MAGI2: variants seen among roughly 807,000 people sequenced by gnomAD.
MAGI2 encodes the protein membrane-associated guanylate kinase, WW and PDZ domain-containing protein 2.
Under a neutral mutation model 133.3 loss-of-function variants are expected in MAGI2, and 35 were observed. The ratio of observed to expected loss-of-function variants is 0.26; its 90% CI spans 0.20 to 0.35. MAGI2 has a LOEUF of 0.35. MAGI2 is among the 10% of genes least tolerant of loss of function. The pLI is 1.00. For synonymous variants in MAGI2, 729 were observed against 710.6 expected (o/e 1.03, Z -0.41); for missense variants, 1,636 against 1,863.4 (o/e 0.88, Z 2.25).
chr7:78,345,675 C>A (rs753456825), intron 8 of MAGI2: 1 of 440,724 alleles, frequency 2.3e-6, no homozygotes, highest in East Asian at 4.1e-5. Flanking sequence ...TATAAAAATC[C>A]ATTAATCTCC....
intron 1 of MAGI2, among the ~76,000 whole-genome samples, chr7:79,451,784 T>C (rs1849273938): frequency 6.6e-6 from 1 of 152,126 alleles, no homozygotes; most frequent in Non-Finnish European, 1.5e-5. Flanking sequence ...GGACAAACAG[T>C]GTACATCGAC....
intron 6 of MAGI2, among the ~76,000 whole-genome samples, chr7:78,403,590 G>T (rs1369626756): frequency 1.3e-5 from 2 of 152,132 alleles, no homozygotes; most frequent in Non-Finnish European, 2.9e-5. Flanking sequence ...CTTCCACAAT[G>T]GTTGAACTAG....
At chr7:78,103,891 G>T (rs938360320) in intron 20 of MAGI2, among the ~76,000 whole-genome samples, 3 of 152,220 alleles carry the variant, frequency 2.0e-5, no homozygotes, top group African/African-American at 7.2e-5. Context: ...TAGTTGAAAA[G>T]CAAAGTGAAT....
intron 6 of MAGI2, among the ~76,000 whole-genome samples, chr7:78,440,882 G>T (rs1413127793): frequency 6.6e-6 from 1 of 152,102 alleles, no homozygotes; most frequent in Non-Finnish European, 1.5e-5. Flanking sequence ...GAATCTCCGA[G>T]TTTGGGGCTA....
At chr7:78,713,219 T>C (rs1401928949) in intron 2 of MAGI2, among the ~76,000 whole-genome samples, 3 of 152,196 alleles carry the variant, frequency 2.0e-5, no homozygotes, top group Non-Finnish European at 4.4e-5. Flanking sequence ...TAATTTGTAA[T>C]GTTACCTTGT....
intron 9 of MAGI2, among the ~76,000 whole-genome samples, chr7:78,323,954 T>G (rs745728299): frequency 2.0e-4 from 31 of 152,176 alleles, no homozygotes; most frequent in Non-Finnish European, 4.3e-4. Flanking sequence ...CATGCTGGTA[T>G]GAAATTTCTA....
intron 9 of MAGI2, among the ~76,000 whole-genome samples, chr7:78,271,123 T>C (rs1584652035): frequency 6.6e-6 from 1 of 152,154 alleles, no homozygotes; most frequent in Admixed American, 6.5e-5. Flanking sequence ...ATAGCTCTTA[T>C]TATTTTGAGA....
intron 3 of MAGI2, among the ~76,000 whole-genome samples, chr7:78,608,490 T>C (rs904775700): frequency 6.6e-6 from 1 of 151,430 alleles, no homozygotes; most frequent in Non-Finnish European, 1.5e-5. Flanking sequence ...TATATATACG[T>C]ATATATAGAA....
chr7:79,171,153 CTAGA>C (rs1402182177), intron 1 of MAGI2, among the ~76,000 whole-genome samples: 4 of 151,978 alleles, frequency 2.6e-5, no homozygotes, highest in Non-Finnish European at 4.4e-5. Flanking sequence ...TCCCATGGTT[CTAGA>C]AGTCAGAAGT....
chr7:78,645,256 C>T (rs947387148), intron 2 of MAGI2, among the ~76,000 whole-genome samples: 1 of 152,050 alleles, frequency 6.6e-6, no homozygotes, highest in African/African-American at 2.4e-5. Context: ...TAATTCTATA[C>T]AAATTCTTTC....
At chr7:78,504,396 C>A (rs1180959092) in intron 4 of MAGI2, among the ~76,000 whole-genome samples, 1 of 152,046 alleles carries the variant, frequency 6.6e-6, no homozygotes, top group African/African-American at 2.4e-5. Context: ...TTTCTGCTGT[C>A]AAGGATAAAC....
intron 1 of MAGI2, among the ~76,000 whole-genome samples, chr7:79,291,471 A>G (rs1467066590): frequency 1.3e-5 from 2 of 152,134 alleles, no homozygotes; most frequent in Non-Finnish European, 2.9e-5. Context: ...TTTCTGTTTA[A>G]TATTTTGAGG....
intron 1 of MAGI2, among the ~76,000 whole-genome samples, chr7:79,237,003 C>G (rs1831972532): frequency 6.6e-6 from 1 of 152,106 alleles, no homozygotes; most frequent in Non-Finnish European, 1.5e-5. Context: ...AACGAGTGTG[C>G]CACTGCACTC....
chr7:79,428,534 G>T (rs1206526000), intron 1 of MAGI2, among the ~76,000 whole-genome samples: 1 of 152,064 alleles, frequency 6.6e-6, no homozygotes, highest in African/African-American at 2.4e-5. Context: ...TCATTAATAG[G>T]CTTTTCTGTC....
chr7:79,322,967 T>C (rs190362955), intron 1 of MAGI2, among the ~76,000 whole-genome samples: 1 of 152,216 alleles, frequency 6.6e-6, no homozygotes, highest in African/African-American at 2.4e-5. Flanking sequence ...GCTTCCCAAG[T>C]AGCTGGGACT....
At chr7:79,216,618 C>G (rs1252086711) in intron 1 of MAGI2, among the ~76,000 whole-genome samples, 2 of 152,066 alleles carry the variant, frequency 1.3e-5, no homozygotes. Flanking sequence ...TTTTGCTCCC[C>G]CTCCCATAAA....
rs1849391131 is a variant in MAGI2, at chr7:79,452,941, GC to G, written c.301+78del. ...TCGCGCAACACACCCCCTTCAACAT[GC>G]GCGGCCACCCTTTCATTGCCCTGCG... On this transcript the variant is annotated intron_variant, in intron 1 of 21. Coordinates refer to ENST00000354212, the MANE Select transcript of MAGI2 (RefSeq NM_012301.4). The G allele has an allele frequency of 4.9e-6, 7 of 1,437,912 alleles. No homozygotes were observed. In the Admixed American group the frequency reaches 1.6e-4, roughly 33 times the overall value. The allele number at this position is 1,437,912 out of a possible 1,614,324, so 89.1% of individuals were successfully genotyped here. A position where few individuals can be genotyped will look rare whatever the true frequency, so the allele number is the denominator to read the frequency against.
At chr7:78,544,757 C>A (rs749051645) in intron 3 of MAGI2, among the ~76,000 whole-genome samples, 2 of 151,960 alleles carry the variant, frequency 1.3e-5, no homozygotes, top group Non-Finnish European at 2.9e-5. Flanking sequence ...TGTCTTGAAC[C>A]CGGGAGGTGG....
intron 2 of MAGI2, chr7:79,006,824 A>T (rs1419335326): frequency 3.1e-6 from 1 of 325,142 alleles, no homozygotes; most frequent in Non-Finnish European, 5.5e-6. Context: ...GACTAGAATC[A>T]ATATTTCTCA....
Sources: allele counts gnomAD v4.1 joint callset (sites outside exome capture counted in the v4.1 genomes callset), GRCh38; gene constraint gnomAD v4.1.1; transcripts MANE v1.5; gene names NCBI Gene and HGNC (gene_info 2026-07-23, HGNC 2026-07-21).